Variants in KCNMB4 observed in about 807,000 individuals in gnomAD.
KCNMB4 encodes potassium calcium-activated channel subfamily M regulatory beta subunit 4.
A neutral mutation model predicts 20.7 loss-of-function variants in KCNMB4; 3 were observed. The observed-to-expected ratio is 0.14, with a 90% CI of 0.07 to 0.37. KCNMB4 has a LOEUF of 0.37. KCNMB4 is among the 10% of genes least tolerant of loss of function. KCNMB4 has a pLI of 1.00. For missense variants in KCNMB4, 168 were observed against 265.9 expected, an observed-to-expected ratio of 0.63 and a Z score of 2.56; for synonymous variants, 110 against 113.4, an observed-to-expected ratio of 0.97 and a Z score of 0.19.
chr12:70,376,202 G>C (rs1883683799), intron 1 of KCNMB4, among the ~76,000 whole-genome samples: 1 of 148,518 alleles, frequency 6.7e-6, no homozygotes, highest in African/African-American at 2.5e-5. Context: ...TTCTCAACCT[G>C]AAAAAGGACA....
intron 1 of KCNMB4, among the ~76,000 whole-genome samples, chr12:70,383,768 C>G (rs954390356): frequency 4.6e-5 from 7 of 152,272 alleles, no homozygotes; most frequent in African/African-American, 1.4e-4. Context: ...TCTTCTTTCT[C>G]TTATAAAAAC....
chr12:70,430,495 G>A lies in KCNMB4; in HGVS notation c.475G>A (p.Val159Met). The A allele has an allele frequency of 6.2e-7, 1 of 1,613,158 alleles. No homozygotes were observed. Among genetic ancestry groups the A allele is most frequent in the Non-Finnish European group, 8.5e-7 (1 of 1,179,722 alleles). The change falls in exon 3 of 3, where the codon GTG (valine) becomes ATG (methionine). Residue 159 changes from valine (V) to methionine (M), a missense_variant. Physicochemically the swap from Val to Met is conservative, Grantham distance 21 (BLOSUM62 1). Transcript: ENST00000258111. ...YFNQHQRPDD[V>M]LLHRTHDEIV... is the part of the protein sequence containing the mutation. The stretch of plus-strand genomic sequence containing the variant: ...TCCATTGTCTTGCAGACCAGATGAT[G>A]TGCTTCTGCATCGCACTCATGATGA...
intron 1 of KCNMB4, among the ~76,000 whole-genome samples, chr12:70,373,001 G>A (rs1883625266): frequency 6.6e-6 from 1 of 152,192 alleles, no homozygotes; most frequent in Non-Finnish European, 1.5e-5. Context: ...GTGTGAGTGT[G>A]GGGTGTGTTG....
intron 1 of KCNMB4, among the ~76,000 whole-genome samples, chr12:70,368,155 A>G (rs1421468434): frequency 6.6e-6 from 1 of 152,124 alleles, no homozygotes. Flanking sequence ...ACAGTCCAAA[A>G]GGGAATGCAT....
chr12:70,413,884 G>A (rs1253071784), intron 2 of KCNMB4, among the ~76,000 whole-genome samples: 1 of 152,162 alleles, frequency 6.6e-6, no homozygotes, highest in Non-Finnish European at 1.5e-5. Flanking sequence ...AGGGACTGAG[G>A]GAAGTGGAAA....
chr12:70,366,933 G>C lies in KCNMB4; in HGVS notation c.199G>C (p.Glu67Gln), dbSNP rs753166736. The change falls in exon 1 of 3, where the codon GAG (glutamate) becomes CAG (glutamine). Residue 67 changes from glutamate to glutamine, a missense_variant. Physicochemically the swap from Glu to Gln is conservative, Grantham distance 29 (BLOSUM62 2). Coordinates refer to ENST00000258111, the MANE Select transcript of KCNMB4 (RefSeq NM_014505.6). ...GGTGCAGCAGATCGGCGAGGTGTTCGAGTGCACCTTCACCTGTGGCGCCGA... is the reference window on the plus strand; with the variant it reads ...GGTGCAGCAGATCGGCGAGGTGTTCCAGTGCACCTTCACCTGTGGCGCCGA... ...LSVQQIGEVF[E>Q]CTFTCGADCR... 2.5e-6 allele frequency: 4 copies of C among 1,612,706 alleles called. No homozygotes were observed. Among genetic ancestry groups the C allele is most frequent in the Non-Finnish European group, 3.4e-6 (4 of 1,179,516 alleles).
chr12:70,367,080 C>T lies in KCNMB4; in HGVS notation c.336+10C>T. The T allele has an allele frequency of 6.7e-7, 1 of 1,497,668 alleles. No homozygotes were observed. Among genetic ancestry groups the T allele is most frequent in the African/African-American group, 1.4e-5 (1 of 72,384 alleles). The allele number at this position is 1,497,668 out of a possible 1,614,324, so 92.8% of individuals were successfully genotyped here. On this transcript the variant is annotated intron_variant, in intron 1 of 2. Transcript: ENST00000258111. ...CCTGACCAACCCCAAGGTAAGAACGCCCCGCGCACCCAGGGGCTCCCCGCG... is the reference window on the plus strand; with the variant it reads ...CCTGACCAACCCCAAGGTAAGAACGTCCCGCGCACCCAGGGGCTCCCCGCG...
In KCNMB4 at chr12:70,400,359, G is replaced by A. The variant is rs754564323; in HGVS notation, c.464+23G>A. 6.7e-5 allele frequency: 106 copies of A among 1,593,736 alleles called. 1 individual carries two copies. In the Admixed American group the frequency reaches 1.3e-3, roughly 20 times the overall value. ...AAGGTAAGTCAATATTTGCATGTGCGTGTTAAAATTGTTTGTAGACTCTGC... is the reference window on the plus strand; with the variant it reads ...AAGGTAAGTCAATATTTGCATGTGCATGTTAAAATTGTTTGTAGACTCTGC... On this transcript the variant is annotated intron_variant, in intron 2 of 2. Coordinates refer to ENST00000258111, the MANE Select transcript of KCNMB4 (RefSeq NM_014505.6).
chr12:70,398,710 T>G (rs1339552818), intron 1 of KCNMB4, among the ~76,000 whole-genome samples: 1 of 152,218 alleles, frequency 6.6e-6, no homozygotes, highest in African/African-American at 2.4e-5. Context: ...ATTAACGAAT[T>G]CAACCAACAT....
intron 1 of KCNMB4, among the ~76,000 whole-genome samples, chr12:70,386,680 T>C (rs10879133): frequency 0.23 from 35,143 of 151,592 alleles, 4,517 homozygotes; most frequent in East Asian, 0.5. Flanking sequence ...ATTACAGTTT[T>C]TGAAAATACA....
At chr12:70,407,681 A>C (rs1460382289) in intron 2 of KCNMB4, among the ~76,000 whole-genome samples, 1 of 151,382 alleles carries the variant, frequency 6.6e-6, no homozygotes, top group Non-Finnish European at 1.5e-5. Flanking sequence ...GTTAGCCAGG[A>C]TGGTCTCGAT....
chr12:70,380,663 A>C lies in KCNMB4; in HGVS notation c.336+13593A>C, dbSNP rs1042077692. Among the ~76,000 whole-genome samples the C allele has an allele frequency of 1.1e-3, 162 of 152,230 alleles. 2 individuals carry two copies. The highest frequency in any genetic ancestry group is 1.8e-3 in the Non-Finnish European group (123 of 68,012). Reference sequence around the variant, plus strand: ...AACTGAGAGTCCAAAAAAAAAAAAAAACCTATACATCATGGACGGTTGATT... The same window carrying C: ...AACTGAGAGTCCAAAAAAAAAAAAACACCTATACATCATGGACGGTTGATT... On this transcript the variant is annotated intron_variant, in intron 1 of 2. Transcript: ENST00000258111.
intron 2 of KCNMB4, among the ~76,000 whole-genome samples, chr12:70,423,442 G>A (rs930483525): frequency 6.6e-6 from 1 of 151,928 alleles, no homozygotes; most frequent in Non-Finnish European, 1.5e-5. Context: ...CCATAATCTT[G>A]TTATAATACC....
intron 2 of KCNMB4, among the ~76,000 whole-genome samples, chr12:70,412,161 C>A (rs1015147561): frequency 6.6e-6 from 1 of 152,222 alleles, no homozygotes; most frequent in African/African-American, 2.4e-5. Flanking sequence ...GGATCCAGTT[C>A]TGGCTTTCTG....
At chr12:70,417,726 T>C (rs370598562) in intron 2 of KCNMB4, among the ~76,000 whole-genome samples, 6 of 152,308 alleles carry the variant, frequency 3.9e-5, no homozygotes, top group African/African-American at 1.4e-4. Flanking sequence ...CTACCTTAAT[T>C]TGCTTAACTG....
intron 2 of KCNMB4, among the ~76,000 whole-genome samples, chr12:70,428,768 C>T (rs1869279399): frequency 6.6e-6 from 1 of 152,066 alleles, no homozygotes; most frequent in African/African-American, 2.4e-5. Flanking sequence ...ATGGGCCTTA[C>T]AGAAGAAAAG....
chr12:70,376,749 G>A (rs1489698658), intron 1 of KCNMB4, among the ~76,000 whole-genome samples: 1 of 151,176 alleles, frequency 6.6e-6, no homozygotes, highest in Non-Finnish European at 1.5e-5. Context: ...GCACGTGCCT[G>A]TAGTCCCAGC....
At chr12:70,415,956 A>G (rs1479059275) in intron 2 of KCNMB4, among the ~76,000 whole-genome samples, 1 of 152,234 alleles carries the variant, frequency 6.6e-6, no homozygotes, top group Non-Finnish European at 1.5e-5. Context: ...TTGTTCTGCA[A>G]ATATCACATG....
At chr12:70,424,260 A>C (rs1411013132) in intron 2 of KCNMB4, among the ~76,000 whole-genome samples, 2 of 152,180 alleles carry the variant, frequency 1.3e-5, no homozygotes, top group African/African-American at 4.8e-5. Context: ...AAGATCCAAG[A>C]AAGCTTTGTT....
Sources: allele counts gnomAD v4.1 joint callset (sites outside exome capture counted in the v4.1 genomes callset), GRCh38; gene constraint gnomAD v4.1.1; transcripts MANE v1.5; gene names NCBI Gene and HGNC (gene_info 2026-07-23, HGNC 2026-07-21).